DPH6: variants seen among roughly 807,000 people sequenced by gnomAD.
DPH6 encodes the protein diphthamine biosynthesis 6.
DPH6 carries 33 observed loss-of-function variants against 38.2 expected under a neutral mutation model. The observed-to-expected ratio is 0.86, with a 90% CI of 0.65 to 1.15. The LOEUF is 1.15. Ranked by LOEUF, DPH6 falls within the 50% of genes most tolerant of loss-of-function variation. The pLI, the probability that DPH6 is intolerant of heterozygous loss-of-function variation, is 0.00. For missense variants in DPH6, 325 were observed against 320.0 expected (o/e 1.02, Z -0.12); for synonymous variants, 108 against 103.0 (o/e 1.05, Z -0.30).
chr15:35,306,284 T>C (rs922468128), intron 3 of DPH6, among the ~76,000 whole-genome samples: 2 of 152,220 alleles, frequency 1.3e-5, no homozygotes, highest in Non-Finnish European at 2.9e-5. Context: ...TAATATTACA[T>C]AGAAATAAAA....
chr15:35,469,072 AAACAACAACAAC>A (rs10649323), intron 3 of DPH6, among the ~76,000 whole-genome samples: 10 of 149,164 alleles, frequency 6.7e-5, no homozygotes, highest in South Asian at 6.5e-4. Context: ...CTCTGCTTCA[AAACAACAACAAC>A]AACAACAACA....
intron 3 of DPH6, among the ~76,000 whole-genome samples, chr15:35,492,487 A>G (rs1460862986): frequency 6.6e-6 from 1 of 152,160 alleles, no homozygotes; most frequent in Non-Finnish European, 1.5e-5. Context: ...ATAAAGCTTC[A>G]CTGGTAATTG....
chr15:35,283,025 CTT>C (rs2051910372), intron 3 of DPH6: 12 of 203,748 alleles, frequency 5.9e-5, no homozygotes, highest in Admixed American at 3.4e-4. Context: ...TCTTCCTCTT[CTT>C]CCTTCTTCTT....
chr15:35,314,529 G>C (rs1450059738), intron 3 of DPH6, among the ~76,000 whole-genome samples: 1 of 152,202 alleles, frequency 6.6e-6, no homozygotes, highest in Non-Finnish European at 1.5e-5. Context: ...GTCCAGTGCA[G>C]TGGTGGTTCG....
chr15:35,429,882 T>C (rs1192590243), intron 5 of DPH6, among the ~76,000 whole-genome samples: 2 of 152,126 alleles, frequency 1.3e-5, no homozygotes, highest in African/African-American at 4.8e-5. Flanking sequence ...GTGTGTAATA[T>C]TTACGAGTTA....
the DPH6 span, among the ~76,000 whole-genome samples, chr15:35,211,536 C>A: frequency 6.6e-6 from 1 of 152,176 alleles, no homozygotes; most frequent in Non-Finnish European, 1.5e-5. Flanking sequence ...CATTAACTGA[C>A]ACCCATCCAC....
intron 5 of DPH6, among the ~76,000 whole-genome samples, chr15:35,436,808 CT>C (rs145015008): frequency 0.017 from 2,488 of 146,594 alleles, 72 homozygotes; most frequent in African/African-American, 0.06. Context: ...ATGCAAGAGG[CT>C]TTTTTTTCTC....
In DPH6 at chr15:35,362,566, C is replaced by A. The variant is rs114902482; in HGVS notation, n.207+10955G>T. On this transcript the variant is annotated intron_variant and non_coding_transcript_variant, in intron 3 of 3. Coordinates refer to the DPH6 transcript ENST00000558973. ...ATAAGCTTCTAAACTTTCTATTTTT[C>A]TTTGTAACTTGTAGGCATCCAAAGT... Among the ~76,000 whole-genome samples, 289 of 152,246 alleles carry A rather than the reference C, an allele frequency of 1.9e-3. 1 individual carries two copies. The highest frequency in any genetic ancestry group is 6.8e-3 in the African/African-American group (282 of 41,536).
chr15:35,373,363 A>C (rs527591557), intron 8 of DPH6, among the ~76,000 whole-genome samples, 158 bp downstream of exon 8: 18 of 152,088 alleles, frequency 1.2e-4, no homozygotes, highest in Admixed American at 3.3e-4. Context: ...GCATTTGTAA[A>C]ATTCTTAGTT....
At chr15:35,535,484 T>A (rs181823830) in intron 3 of DPH6, among the ~76,000 whole-genome samples, 1 of 152,264 alleles carries the variant, frequency 6.6e-6, no homozygotes, top group Admixed American at 6.5e-5. Context: ...CAGAAAGTAG[T>A]TCCAACCCAG....
the DPH6 span, among the ~76,000 whole-genome samples, chr15:35,197,082 T>G: frequency 8.5e-5 from 13 of 152,316 alleles, no homozygotes; most frequent in South Asian, 2.7e-3. Flanking sequence ...AACACAGTCC[T>G]GTAAAATACA....
chr15:35,242,630 TA>T (rs2051608340), intron 3 of DPH6, among the ~76,000 whole-genome samples: 1 of 143,138 alleles, frequency 7.0e-6, no homozygotes, highest in Admixed American at 7.6e-5. Context: ...AATGGTCTAT[TA>T]AAAACACACC....
chr15:35,518,793 T>C (rs2054882311), intron 3 of DPH6, among the ~76,000 whole-genome samples: 1 of 152,014 alleles, frequency 6.6e-6, no homozygotes, highest in Non-Finnish European at 1.5e-5. Flanking sequence ...AGCCATTTAC[T>C]TTCCCACTGT....
At chr15:35,210,512 G>A in the DPH6 span, among the ~76,000 whole-genome samples, 1 of 152,030 alleles carries the variant, frequency 6.6e-6, no homozygotes, top group East Asian at 1.9e-4. Context: ...TTGTTTTAGA[G>A]GGCAAAATTA....
intron 3 of DPH6, among the ~76,000 whole-genome samples, chr15:35,284,535 A>G (rs1046010339): frequency 6.0e-5 from 9 of 150,704 alleles, no homozygotes; most frequent in Non-Finnish European, 1.3e-4. Flanking sequence ...TATTTACCTT[A>G]TAACTTCAGA....
At chr15:35,373,900 T>C (rs951901609) in intron 7 of DPH6, among the ~76,000 whole-genome samples, 1 of 152,062 alleles carries the variant, frequency 6.6e-6, no homozygotes, top group Non-Finnish European at 1.5e-5. Flanking sequence ...CTTAAATTCC[T>C]GTTCAATTTC....
chr15:35,370,306 A>G (rs2052699645), downstream of DPH6, among the ~76,000 whole-genome samples: 1 of 151,758 alleles, frequency 6.6e-6, no homozygotes, highest in Admixed American at 6.6e-5. Context: ...TATAACATTA[A>G]AAGCATAATA....
chr15:35,419,181 G>A (rs1469815007), intron 5 of DPH6, among the ~76,000 whole-genome samples: 1 of 151,754 alleles, frequency 6.6e-6, no homozygotes, highest in African/African-American at 2.4e-5. Flanking sequence ...TTGTTTTGTG[G>A]GTAAATATGA....
At chr15:35,249,452 T>A (rs1013851001) in intron 3 of DPH6, among the ~76,000 whole-genome samples, 7 of 152,214 alleles carry the variant, frequency 4.6e-5, no homozygotes, top group African/African-American at 1.7e-4. Flanking sequence ...ATATTACAGA[T>A]ATTTAAGGAG....
Sources: gnomAD v4.1 joint callset for allele counts (sites outside exome capture counted in the v4.1 genomes callset) on GRCh38, gnomAD v4.1.1 for gene constraint, MANE v1.5 for transcripts, NCBI Gene and HGNC (gene_info 2026-07-23, HGNC 2026-07-21) for gene names.